Variants in RHBDL2 observed in about 807,000 individuals in gnomAD.
The protein encoded by RHBDL2 is rhomboid-related protein 2.
In RHBDL2, 26 loss-of-function variants were observed where a neutral mutation model predicts 31.7. That is an observed-to-expected ratio of 0.82 (90% CI 0.60 to 1.14). RHBDL2 has a LOEUF of 1.14. Ranked by LOEUF, RHBDL2 falls within the 50% of genes most tolerant of loss-of-function variation. The pLI is 0.00. For missense variants in RHBDL2, 336 were observed against 364.4 expected, an observed-to-expected ratio of 0.92 and a Z score of 0.63; for synonymous variants, 123 against 127.2, an observed-to-expected ratio of 0.97 and a Z score of 0.22.
intron 4 of RHBDL2, among the ~76,000 whole-genome samples, chr1:38,899,001 A>G (rs561639532): frequency 7.2e-5 from 11 of 152,310 alleles, no homozygotes; most frequent in African/African-American, 2.6e-4. Flanking sequence ...GCAGAGGGGC[A>G]GGGCTCCACC....
chr1:38,929,885 A>G (rs569075511), intron 1 of RHBDL2, among the ~76,000 whole-genome samples: 1 of 152,332 alleles, frequency 6.6e-6, no homozygotes, highest in South Asian at 2.1e-4. Flanking sequence ...CTGGCTTTTC[A>G]ATATTACAGG....
At chr1:38,915,474 C>T in intron 3 of RHBDL2, 88 bp downstream of exon 3, 1 of 1,344,432 alleles carries the variant, frequency 7.4e-7, no homozygotes, top group Admixed American at 1.9e-5. Context: ...ATGAAAGTGC[C>T]TTATCAATAA....
At chr1:38,903,708 C>T (rs955933745) in intron 4 of RHBDL2, among the ~76,000 whole-genome samples, 1 of 151,846 alleles carries the variant, frequency 6.6e-6, no homozygotes, top group Non-Finnish European at 1.5e-5. Context: ...TTTTTAGAAA[C>T]GCACAAACCA....
chr1:38,921,179 T>C (rs543526957), intron 1 of RHBDL2, among the ~76,000 whole-genome samples: 1 of 152,256 alleles, frequency 6.6e-6, no homozygotes, highest in African/African-American at 2.4e-5. Context: ...GTCAGGAGTT[T>C]CAGAACAGAC....
chr1:38,929,516 AG>A lies in RHBDL2; in HGVS notation c.-125-10180del, dbSNP rs1405608304. On this transcript the variant is annotated intron_variant, in intron 1 of 7. Transcript: ENST00000372990. ...GCCGCTTGCCTAGCTGCATTCAAACAGGGAGGTTTTAAATATCTGAATTGTT... is the reference window on the plus strand; with the variant it reads ...GCCGCTTGCCTAGCTGCATTCAAACAGGAGGTTTTAAATATCTGAATTGTT... 5.4e-6 allele frequency: 7 copies of A among 1,289,328 alleles called. No homozygotes were observed. The African/African-American group carries it at 9.1e-5, about 17-fold the overall frequency. The allele number at this position is 1,289,328 out of a possible 1,614,324, so 79.9% of individuals were successfully genotyped here. A position where few individuals can be genotyped will look rare whatever the true frequency, so the allele number is the denominator to read the frequency against.
At chr1:38,888,460 G>A (rs866600231) in intron 6 of RHBDL2, among the ~76,000 whole-genome samples, 4 of 152,176 alleles carry the variant, frequency 2.6e-5, no homozygotes, top group African/African-American at 9.7e-5. Context: ...AAATAGGAAT[G>A]CCAGTTGTCG....
At chr1:38,889,221 T>A (rs916033215) in intron 6 of RHBDL2, among the ~76,000 whole-genome samples, 1 of 151,986 alleles carries the variant, frequency 6.6e-6, no homozygotes, top group Admixed American at 6.6e-5. Flanking sequence ...AGCCTCCTGA[T>A]TAGCTGGGAT....
intron 4 of RHBDL2, among the ~76,000 whole-genome samples, chr1:38,906,157 A>G (rs2124319128): frequency 6.6e-6 from 1 of 152,310 alleles, no homozygotes; most frequent in South Asian, 2.1e-4. Context: ...AGGCAAGAAC[A>G]TCTTTTCTCT....
intron 6 of RHBDL2, among the ~76,000 whole-genome samples, chr1:38,888,506 C>G (rs777879154): frequency 2.0e-4 from 31 of 152,132 alleles, no homozygotes; most frequent in Admixed American, 1.3e-4. Context: ...AGGAGGATCT[C>G]TTTGAGAATA....
At chr1:38,899,257 G>A (rs1642958733) in intron 4 of RHBDL2, among the ~76,000 whole-genome samples, 1 of 152,200 alleles carries the variant, frequency 6.6e-6, no homozygotes, top group Non-Finnish European at 1.5e-5. Context: ...GCAAGGCCCA[G>A]GTACCCCCAG....
In RHBDL2 at chr1:38,893,149, A is replaced by G; in HGVS notation, c.670+15T>C. 6.8e-7 allele frequency: 1 copy of G among 1,470,382 alleles called. No individual in the cohort carries two copies. The allele number at this position is 1,470,382 out of a possible 1,614,324, so 91.1% of individuals were successfully genotyped here. On this transcript the variant is annotated intron_variant, in intron 6 of 7. Transcript: ENST00000372990. ...TTCACTTGGACAGTATGAAGTATTC[A>G]CAAAACACACTTACTTATCAGGATG...
chr1:38,934,816 G>T (rs1454032480), intron 1 of RHBDL2, among the ~76,000 whole-genome samples: 2 of 151,870 alleles, frequency 1.3e-5, no homozygotes, highest in African/African-American at 2.4e-5. Context: ...AAATTAGCTG[G>T]GTGTGGTGGC....
intron 3 of RHBDL2, among the ~76,000 whole-genome samples, chr1:38,912,806 G>A (rs1316360090): frequency 6.6e-6 from 1 of 150,408 alleles, no homozygotes; most frequent in Non-Finnish European, 1.5e-5. Flanking sequence ...AACTTTATGA[G>A]GTAGGTACTA....
intron 3 of RHBDL2, chr1:38,913,697 G>A (rs1178055355): frequency 6.6e-6 from 1 of 152,070 alleles, no homozygotes; most frequent in Non-Finnish European, 1.5e-5. Flanking sequence ...CACAGAAAAG[G>A]TTGGCCCCAC....
intron 1 of RHBDL2, among the ~76,000 whole-genome samples, 173 bp downstream of exon 1, chr1:38,941,509 A>G (rs2124361523): frequency 1.3e-5 from 2 of 152,260 alleles, no homozygotes; most frequent in Admixed American, 1.3e-4. Context: ...TGAAAGTAGC[A>G]GGATCCAAAG....
chr1:38,898,624 G>A (rs1642948114), intron 4 of RHBDL2, among the ~76,000 whole-genome samples: 1 of 152,110 alleles, frequency 6.6e-6, no homozygotes, highest in Admixed American at 6.6e-5. Context: ...CTACCTTGAG[G>A]GAGATTACAG....
At chr1:38,920,867 G>A (rs973838652) in intron 1 of RHBDL2, among the ~76,000 whole-genome samples, 6 of 151,012 alleles carry the variant, frequency 4.0e-5, no homozygotes, top group Admixed American at 6.6e-5. Context: ...CGCCCGCCTC[G>A]GCCTCCCAAA....
chr1:38,892,919 C>T (rs945317800), intron 6 of RHBDL2, among the ~76,000 whole-genome samples: 1 of 152,216 alleles, frequency 6.6e-6, no homozygotes, highest in Non-Finnish European at 1.5e-5. Flanking sequence ...TACCATCACT[C>T]ACCAACCAGC....
At chr1:38,917,241 T>A (rs550778321) in intron 2 of RHBDL2, among the ~76,000 whole-genome samples, 4 of 151,944 alleles carry the variant, frequency 2.6e-5, no homozygotes, top group Non-Finnish European at 5.9e-5. Context: ...ATGGTCTCAA[T>A]CTCCTGACCT....
Sources: gnomAD v4.1 joint callset for allele counts (sites outside exome capture counted in the v4.1 genomes callset) on GRCh38, gnomAD v4.1.1 for gene constraint, MANE v1.5 for transcripts, NCBI Gene and HGNC (gene_info 2026-07-23, HGNC 2026-07-21) for gene names.